The following PATZ1 variants were observed in gnomAD, a reference collection of about 807,000 sequenced individuals.
The protein encoded by PATZ1 is POZ/BTB and AT hook containing zinc finger 1.
Under a neutral mutation model 46.2 loss-of-function variants are expected in PATZ1, and 9 were observed. The ratio of observed to expected loss-of-function variants is 0.19; its 90% CI spans 0.12 to 0.34. The LOEUF (loss-of-function observed/expected upper bound fraction) is 0.34. Ranked by LOEUF, PATZ1 falls within the 10% of genes least tolerant of loss-of-function variation. PATZ1 has a pLI of 1.00. For missense variants in PATZ1, 632 were observed against 923.0 expected (o/e 0.68, Z 4.08); for synonymous variants, 426 against 378.6 (o/e 1.13, Z -1.45).
chr22:31,336,472 G>A (rs1002504992), intron 2 of PATZ1, among the ~76,000 whole-genome samples: 2 of 152,048 alleles, frequency 1.3e-5, no homozygotes, highest in African/African-American at 4.8e-5. Context: ...CAATTCTGAC[G>A]ACATGAGAAT....
Position 31,344,829 on chromosome 22 carries a change from G to C in PATZ1, c.774C>G (p.Ala258=). 1 of 1,611,644 alleles carries C rather than the reference G, an allele frequency of 6.2e-7. No individual in the cohort carries two copies. The highest frequency in any genetic ancestry group is 8.5e-7 in the Non-Finnish European group (1 of 1,179,060). ...GGCCTCGCTTGCCAGTCAGGGGAGGGGCACTGGATGCCACACTGGGGAATG... is the reference window on the plus strand; with the variant it reads ...GGCCTCGCTTGCCAGTCAGGGGAGGCGCACTGGATGCCACACTGGGGAATG... ...TSPFPSVASS[A]PPLTGKRGRG... The change falls in exon 1 of 5, where the codon GCC becomes GCG. Residue 258 remains alanine, a synonymous_variant. Transcript: ENST00000266269.
At chr22:31,342,447 TCTAA>T (rs558013536) in intron 2 of PATZ1, among the ~76,000 whole-genome samples, 8 of 151,702 alleles carry the variant, frequency 5.3e-5, no homozygotes, top group East Asian at 3.9e-4. Context: ...CAGGAGGAGC[TCTAA>T]CTGAGGTCAG....
intron 2 of PATZ1, among the ~76,000 whole-genome samples, chr22:31,338,563 A>T (rs1443010031): frequency 2.0e-5 from 3 of 152,220 alleles, no homozygotes; most frequent in Non-Finnish European, 2.9e-5. Flanking sequence ...ACCTCTACAC[A>T]GCCCAGCAGT....
chr22:31,341,512 C>A (rs1466411065), intron 2 of PATZ1: 1 of 1,613,864 alleles, frequency 6.2e-7, no homozygotes, highest in African/African-American at 1.3e-5. Context: ...CTGGAGTGTG[C>A]TGGGCCCAGG....
chr22:31,340,468 C>G (rs896195538), intron 2 of PATZ1, among the ~76,000 whole-genome samples: 2 of 152,220 alleles, frequency 1.3e-5, no homozygotes, highest in Admixed American at 6.5e-5. Flanking sequence ...TCCAGGCACA[C>G]CTGGCTGGCC....
In PATZ1 at chr22:31,344,995, G is replaced by T. The variant is rs777404081; in HGVS notation, c.608C>A (p.Ala203Asp). ...AALAANSNGI[A>D]GSMQPEEEAA... ...CTCCTCCTCTGGCTGCATGCTGCCG[G>T]CGATGCCATTGCTGTTGGCTGCCAA... Residue 203 changes from alanine to aspartate, a missense_variant, in exon 1 of 5, where the codon GCC (alanine) becomes GAC (aspartate). Physicochemically the swap from Ala to Asp is moderately radical, Grantham distance 126. This residue lies in a region of PATZ1 where 279 missense variants were observed against 284.3 expected (regional missense o/e 0.98). Transcript: ENST00000266269. The T allele has an allele frequency of 6.2e-7, 1 of 1,614,050 alleles. No individual in the cohort carries two copies. Among genetic ancestry groups the T allele is most frequent in the Non-Finnish European group, 8.5e-7 (1 of 1,180,044 alleles).
chr22:31,334,406 C>T (rs2049482703), intron 3 of PATZ1, among the ~76,000 whole-genome samples: 1 of 152,178 alleles, frequency 6.6e-6, no homozygotes, highest in Non-Finnish European at 1.5e-5. Context: ...AGGTATGAAG[C>T]TGCAAGGAGG....
Position 31,328,621 on chromosome 22 carries a change from G to C in PATZ1, c.1645+166C>G, listed in dbSNP as rs1288077927. On this transcript the variant is annotated intron_variant, in intron 4 of 4. Transcript: ENST00000266269. This position sits in a 1 kb window ranked among gnomAD's most constrained non-coding sequence, Gnocchi z 4.8. ...AGCCTCACTCACTGCCCTGGAGTGA[G>C]ATACCCACTGTGACTTTTGTCCTGG... 1.3e-5 allele frequency among the ~76,000 whole-genome samples: 2 copies of C among 152,172 alleles called. No homozygotes were observed. Among genetic ancestry groups the C allele is most frequent in the Non-Finnish European group, 2.9e-5 (2 of 68,028 alleles).
intron 1 of PATZ1, chr22:31,343,231 ACT>A (rs2049605421): frequency 8.3e-7 from 1 of 1,208,532 alleles, no homozygotes; most frequent in African/African-American, 1.6e-5. Context: ...CCCACCAGAA[ACT>A]CAGTGTTTTC....
At position 31,337,125 on chromosome 22, in the gene PATZ1, T is replaced by C. The variant is rs1312200145; in HGVS notation, c.1336-1262A>G. Among the ~76,000 whole-genome samples, 5 of 151,970 alleles carry C rather than the reference T, an allele frequency of 3.3e-5. No individual in the cohort carries two copies. The East Asian group carries it at 9.6e-4, about 29-fold the overall frequency. On this transcript the variant is annotated intron_variant, in intron 2 of 4. Coordinates refer to ENST00000266269, the MANE Select transcript of PATZ1 (RefSeq NM_014323.3). ...ACTCCGTCTCAAAAAAAAAAAGCAT[T>C]TGTGAAACGTTAAGCTGGGGAAGTG...
chr22:31,333,986 C>T (rs1207140596), intron 3 of PATZ1, among the ~76,000 whole-genome samples: 1 of 152,170 alleles, frequency 6.6e-6, no homozygotes, highest in African/African-American at 2.4e-5. Context: ...CTGGTCTGGG[C>T]TTTCTGAGTT....
intron 2 of PATZ1, among the ~76,000 whole-genome samples, chr22:31,340,075 G>T (rs896414348): frequency 6.6e-6 from 1 of 152,140 alleles, no homozygotes; most frequent in African/African-American, 2.4e-5. Flanking sequence ...AGCTAGGGAG[G>T]TCTGAGCTGC....
intron 2 of PATZ1, chr22:31,341,040 C>G: frequency 4.6e-6 from 5 of 1,084,046 alleles, no homozygotes; most frequent in Non-Finnish European, 5.6e-6. Flanking sequence ...AGTCTAGAAA[C>G]CCCAGGCCTA....
chr22:31,345,026 C>T lies in PATZ1; in HGVS notation c.577G>A (p.Ala193Thr), dbSNP rs1357990949. 6.2e-7 allele frequency: 1 copy of T among 1,613,952 alleles called. No individual in the cohort carries two copies. The highest frequency in any genetic ancestry group is 8.5e-7 in the Non-Finnish European group (1 of 1,180,028). The change falls in exon 1 of 5, where the codon GCA becomes ACA. Residue 193 changes from alanine (A) to threonine (T), a missense_variant. This residue lies in a region of PATZ1 where 279 missense variants were observed against 284.3 expected (regional missense o/e 0.98). Transcript: ENST00000266269. The surrounding 1 kb of genome is among the most constrained non-coding windows in gnomAD (Gnocchi z 7.4). ...CCATTGCTGTTGGCTGCCAAGGCTG[C>T]CCCGTTGGTCATGTCCAAAGGGAAG... ...LGFPLDMTNG[A>T]ALAANSNGIA...
chr22:31,330,350 G>A (rs2145812151), intron 3 of PATZ1, among the ~76,000 whole-genome samples: 1 of 152,274 alleles, frequency 6.6e-6, no homozygotes, highest in East Asian at 1.9e-4. Flanking sequence ...AGATCACGAG[G>A]TCAGGAGATC....
At chr22:31,339,733 CCT>C (rs1430947464) in intron 2 of PATZ1, among the ~76,000 whole-genome samples, 3 of 152,190 alleles carry the variant, frequency 2.0e-5, no homozygotes, top group South Asian at 2.1e-4. Flanking sequence ...GCCCAGGCAC[CCT>C]GAGTGCAGGT....
Position 31,345,458 on chromosome 22 carries a change from C to T in PATZ1, c.145G>A (p.Asp49Asn), listed in dbSNP as rs948820640. 1.2e-6 allele frequency: 2 copies of T among 1,612,362 alleles called. No homozygotes were observed. Among genetic ancestry groups the T allele is most frequent in the Non-Finnish European group, 1.7e-6 (2 of 1,179,712 alleles). Reference protein sequence around the residue: ...RFCDVLLRVGDESFPAHRAVL... With the variant: ...RFCDVLLRVGNESFPAHRAVL... Reference sequence around the variant, plus strand: ...GCGCGGTGCGCTGGGAAGCTCTCGTCGCCTACCCGCAAGAGCACGTCGCAG... The same window carrying T: ...GCGCGGTGCGCTGGGAAGCTCTCGTTGCCTACCCGCAAGAGCACGTCGCAG... The change falls in exon 1 of 5, where the codon GAC becomes AAC. Residue 49 changes from aspartate to asparagine, a missense_variant. Physicochemically the swap from Asp to Asn is conservative, Grantham distance 23. Transcript: ENST00000266269. This position sits in a 1 kb window ranked among gnomAD's most constrained non-coding sequence, Gnocchi z 7.4.
Position 31,342,967 on chromosome 22 carries a change from AAG to A in PATZ1, c.1272-9_1272-8del, listed in dbSNP as rs1449314001. On this transcript the variant is annotated splice_polypyrimidine_tract_variant and splice_region_variant and intron_variant, in intron 1 of 4. Coordinates refer to ENST00000266269, the MANE Select transcript of PATZ1 (RefSeq NM_014323.3). ...TCCGTTCAAGTGATCAGGCCTGGAAAAGAGAGAACCAAGAGGGACTTTAGAAA... is the reference window on the plus strand; with the variant it reads ...TCCGTTCAAGTGATCAGGCCTGGAAAAGAGAACCAAGAGGGACTTTAGAAA... 4 of 1,613,764 alleles carry A rather than the reference AAG, an allele frequency of 2.5e-6. No individual in the cohort carries two copies. Among genetic ancestry groups the A allele is most frequent in the East Asian group, 2.2e-5 (1 of 44,874 alleles).
Position 31,345,457 on chromosome 22 carries a change from T to C in PATZ1, c.146A>G (p.Asp49Gly). 6.2e-7 allele frequency: 1 copy of C among 1,611,918 alleles called. No homozygotes were observed. Among genetic ancestry groups the C allele is most frequent in the Non-Finnish European group, 8.5e-7 (1 of 1,179,758 alleles). Reference sequence around the variant, plus strand: ...GGCGCGGTGCGCTGGGAAGCTCTCGTCGCCTACCCGCAAGAGCACGTCGCA... The same window carrying C: ...GGCGCGGTGCGCTGGGAAGCTCTCGCCGCCTACCCGCAAGAGCACGTCGCA... ...RFCDVLLRVGDESFPAHRAVL... is the reference protein window; with the variant it reads ...RFCDVLLRVGGESFPAHRAVL... The change falls in exon 1 of 5, where the codon GAC becomes GGC. Residue 49 changes from aspartate to glycine, a missense_variant. By Grantham distance (94) the Asp-to-Gly change is moderately conservative (BLOSUM62 -1). Transcript: ENST00000266269. The surrounding 1 kb of genome is among the most constrained non-coding windows in gnomAD (Gnocchi z 7.4).
Sources: allele counts gnomAD v4.1 joint callset (sites outside exome capture counted in the v4.1 genomes callset), GRCh38; gene constraint gnomAD v4.1.1; regional missense constraint gnomAD v4.1.1; non-coding constraint Gnocchi (gnomAD v3.1); transcripts MANE v1.5; gene names NCBI Gene and HGNC (gene_info 2026-07-23, HGNC 2026-07-21).